Variants in KIF3A observed in about 807,000 individuals in gnomAD.
KIF3A encodes kinesin-like protein KIF3A.
Under a neutral mutation model 92.6 loss-of-function variants are expected in KIF3A, and 27 were observed. That is an observed-to-expected ratio of 0.29 (90% confidence interval 0.21 to 0.40). KIF3A has a LOEUF of 0.40. KIF3A is among the 10% of genes least tolerant of loss of function. KIF3A has a pLI of 1.00. For synonymous variants in KIF3A, 250 were observed against 275.4 expected, an observed-to-expected ratio of 0.91 and a Z score of 0.92; for missense variants, 581 against 872.6, an observed-to-expected ratio of 0.67 and a Z score of 4.21.
intron 1 of KIF3A, chr5:132,736,989 G>A (rs1387061187): frequency 1.6e-5 from 5 of 311,328 alleles, no homozygotes; most frequent in South Asian, 1.3e-4. Context: ...GCCTGGAATA[G>A]GGGCAGGCAG....
At chr5:132,689,803 C>T (rs553191835), downstream of KIF3A, 1 of 152,064 alleles carries the variant, frequency 6.6e-6, no homozygotes, top group Non-Finnish European at 1.5e-5. Flanking sequence ...CCAGGGCAGG[C>T]CTTTAATTTT....
intron 5 of KIF3A, among the ~76,000 whole-genome samples, chr5:132,719,430 CT>C (rs1416614688): frequency 6.6e-6 from 1 of 151,786 alleles, no homozygotes; most frequent in East Asian, 1.9e-4. Context: ...TTTGATATAT[CT>C]ATCGTCAAGT....
intron 2 of KIF3A, among the ~76,000 whole-genome samples, chr5:132,730,184 T>C (rs1754176380): frequency 6.6e-6 from 1 of 152,184 alleles, no homozygotes; most frequent in African/African-American, 2.4e-5. Flanking sequence ...AAGAAAAAAC[T>C]GGCTGGGCAC....
In KIF3A at chr5:132,716,298, T is replaced by C; in HGVS notation, c.901A>G (p.Lys301Glu). ...GAATCCTGAAGAAGACGAGTCAGTT[T>C]AGAGTTACGATAAGGCACATGAGTG... Reference protein sequence around the residue: ...KSTHVPYRNSKLTRLLQDSLG... With the variant: ...KSTHVPYRNSELTRLLQDSLG... The change falls in exon 7 of 19, where the codon AAA (lysine) becomes GAA (glutamate). Residue 301 changes from lysine to glutamate, a missense_variant. Physicochemically the swap from Lys to Glu is moderately conservative, Grantham distance 56. Coordinates refer to ENST00000403231, the MANE Select transcript of KIF3A (RefSeq NM_001300791.2). 1 of 1,614,052 alleles carries C rather than the reference T, an allele frequency of 6.2e-7. No homozygotes were observed. Among genetic ancestry groups the C allele is most frequent in the Non-Finnish European group, 8.5e-7 (1 of 1,179,950 alleles).
At chr5:132,734,627 GA>G (rs1754333937) in intron 1 of KIF3A, 149 bp from the exon 2 acceptor site, 1 of 646,198 alleles carries the variant, frequency 1.5e-6, no homozygotes, top group Non-Finnish European at 2.5e-6. Context: ...TGCAATTAAA[GA>G]TCTTACATAT....
rs1266497911 is a variant in KIF3A at position 132,694,914 on chromosome 5, A to G, written c.*1720T>C. 6.6e-6 allele frequency: 1 copy of G among 152,364 alleles called. No homozygotes were observed. Among genetic ancestry groups the G allele is most frequent in the African/African-American group, 2.4e-5 (1 of 41,466 alleles). The allele number at this position is 152,364 out of a possible 1,614,324, so 9.4% of individuals were successfully genotyped here. A position where few individuals can be genotyped will look rare whatever the true frequency, so the allele number is the denominator to read the frequency against. On this transcript the variant is annotated 3_prime_UTR_variant, in exon 19 of 19. Transcript: ENST00000403231. ...ACAGGACATTCAGTATTCCAATTAC[A>G]GAATGGACTTTAAATTTATGGGTAC...
chr5:132,690,541 A>T (rs1026720458), downstream of KIF3A, among the ~76,000 whole-genome samples: 2 of 152,224 alleles, frequency 1.3e-5, no homozygotes, highest in Non-Finnish European at 2.9e-5. Flanking sequence ...ATGTCTGAGA[A>T]GATGTATATG....
chr5:132,708,498 T>C (rs1452075437), intron 10 of KIF3A, among the ~76,000 whole-genome samples: 2 of 152,212 alleles, frequency 1.3e-5, no homozygotes, highest in Non-Finnish European at 2.9e-5. Context: ...CATGTTATAA[T>C]GGGCACTGGT....
chr5:132,737,503 A>T lies in KIF3A; in HGVS notation c.-84T>A. On this transcript the variant is annotated 5_prime_UTR_variant, in exon 1 of 19. Transcript: ENST00000403231. ...GGGTGCGCAGAAAGGATGGCCAGAG[A>T]CTACCGAAACACCTCGTTGACGCTC... The T allele has an allele frequency of 2.0e-6, 3 of 1,496,482 alleles. No homozygotes were observed. Among genetic ancestry groups the T allele is most frequent in the Non-Finnish European group, 2.7e-6 (3 of 1,091,944 alleles). 92.7% of individuals were successfully genotyped at this position (1,496,482 alleles called of 1,614,324 possible).
At position 132,700,631 on chromosome 5, in the gene KIF3A, T is replaced by C. The variant is rs1203611048; in HGVS notation, c.1938+16A>G. 1 of 1,517,746 alleles carries C rather than the reference T, an allele frequency of 6.6e-7. No homozygotes were observed. The highest frequency in any genetic ancestry group is 9.1e-7 in the Non-Finnish European group (1 of 1,093,284). The allele number at this position is 1,517,746 out of a possible 1,614,324, so 94.0% of individuals were successfully genotyped here. On this transcript the variant is annotated intron_variant, in intron 16 of 18. Coordinates refer to ENST00000403231, the MANE Select transcript of KIF3A (RefSeq NM_001300791.2). Reference sequence around the variant, plus strand: ...ACTCTTTAATTATTACGTGAAAGAATGAAGGTAATACTCACTAGCTGCCAT... The same window carrying C: ...ACTCTTTAATTATTACGTGAAAGAACGAAGGTAATACTCACTAGCTGCCAT...
chr5:132,725,806 C>A (rs1158449475), intron 4 of KIF3A, among the ~76,000 whole-genome samples: 1 of 152,152 alleles, frequency 6.6e-6, no homozygotes, highest in East Asian at 1.9e-4. Flanking sequence ...TGTTACTCTA[C>A]ATACATTATT....
At chr5:132,704,218 AAATTC>A (rs1753136953) in intron 11 of KIF3A, among the ~76,000 whole-genome samples, 1 of 152,056 alleles carries the variant, frequency 6.6e-6, no homozygotes, top group Non-Finnish European at 1.5e-5. Context: ...TTAAAGGAAA[AAATTC>A]TATACTATGT....
intron 2 of KIF3A, among the ~76,000 whole-genome samples, chr5:132,733,746 C>CA (rs777276432): frequency 6.6e-6 from 1 of 152,216 alleles, no homozygotes; most frequent in African/African-American, 2.4e-5. Flanking sequence ...GCCTGGGCAA[C>CA]AGAGCAAGAC....
In KIF3A at chr5:132,693,375, T is replaced by G. The variant is rs1434910680; in HGVS notation, c.*3259A>C. 1 of 152,584 alleles carries G rather than the reference T, an allele frequency of 6.6e-6. No homozygotes were observed. Among genetic ancestry groups the G allele is most frequent in the Non-Finnish European group, 1.5e-5 (1 of 68,026 alleles). 9.5% of individuals were successfully genotyped at this position (152,584 alleles called of 1,614,324 possible). Reference sequence around the variant, plus strand: ...TAATTGTAAGGATTATTAAAGAAGATACTATAAACCAATAATTCTACCAAT... The same window carrying G: ...TAATTGTAAGGATTATTAAAGAAGAGACTATAAACCAATAATTCTACCAAT... On this transcript the variant is annotated 3_prime_UTR_variant, in exon 19 of 19. Coordinates refer to ENST00000403231, the MANE Select transcript of KIF3A (RefSeq NM_001300791.2).
chr5:132,702,894 C>T lies in KIF3A; in HGVS notation c.1638G>A (p.Glu546=). Residue 546 remains glutamate (E), a synonymous_variant, in exon 13 of 19, where the codon GAG becomes GAA. Coordinates refer to ENST00000403231, the MANE Select transcript of KIF3A (RefSeq NM_001300791.2). ...CAGAAAGTCACATTACCTCTTTTTC[C>T]TCAAGTTCTCTGCGAAGTTGCTCTG... ...KRAEQLRREL[E]EKEQERLDIE... is the part of the protein sequence containing the mutation. 2 of 1,611,934 alleles carry T rather than the reference C, an allele frequency of 1.2e-6. No homozygotes were observed. The highest frequency in any genetic ancestry group is 1.3e-5 in the African/African-American group (1 of 74,852).
intron 9 of KIF3A, among the ~76,000 whole-genome samples, chr5:132,710,192 A>G (rs910232681): frequency 2.0e-5 from 3 of 152,258 alleles, no homozygotes; most frequent in Non-Finnish European, 2.9e-5. Flanking sequence ...ATGAGAATAC[A>G]TTTTATAAAG....
At chr5:132,718,869 T>G (rs746494194) in intron 5 of KIF3A, among the ~76,000 whole-genome samples, 10 of 152,160 alleles carry the variant, frequency 6.6e-5, no homozygotes, top group Non-Finnish European at 8.8e-5. Flanking sequence ...GTTCAGGAAA[T>G]CTGCCCACCT....
chr5:132,701,392 G>A (rs554847535), intron 15 of KIF3A, among the ~76,000 whole-genome samples: 92 of 151,596 alleles, frequency 6.1e-4, no homozygotes, highest in African/African-American at 2.1e-3. Flanking sequence ...CCAGCTACTC[G>A]GGAGGCAGAG....
At position 132,694,737 on chromosome 5, in the gene KIF3A, G is replaced by T. The variant is rs373223477; in HGVS notation, c.*1897C>A. 1 of 152,308 alleles carries T rather than the reference G, an allele frequency of 6.6e-6. No homozygotes were observed. The highest frequency in any genetic ancestry group is 1.9e-4 in the East Asian group (1 of 5,324). The allele number at this position is 152,308 out of a possible 1,614,324, so 9.4% of individuals were successfully genotyped here. ...TACCAAAATATTCTGATCACACAAA[G>T]CTTTTACAAGACACATATTTACCTC... On this transcript the variant is annotated 3_prime_UTR_variant, in exon 19 of 19. Coordinates refer to ENST00000403231, the MANE Select transcript of KIF3A (RefSeq NM_001300791.2).
Sources: gnomAD v4.1 joint callset for allele counts (sites outside exome capture counted in the v4.1 genomes callset) on GRCh38, gnomAD v4.1.1 for gene constraint, MANE v1.5 for transcripts, NCBI Gene and HGNC (gene_info 2026-07-23, HGNC 2026-07-21) for gene names.